Variants in EXT1 observed in about 807,000 individuals in gnomAD.
EXT1 encodes exostosin-1.
In EXT1, 20 loss-of-function variants were observed where a neutral mutation model predicts 82.5. The observed-to-expected ratio is 0.24, with a 90% CI of 0.17 to 0.35. The LOEUF (loss-of-function observed/expected upper bound fraction) is 0.35. Among genes scored for constraint, EXT1 ranks in the 10% least tolerant of loss-of-function variants. The pLI is 1.00. For synonymous variants in EXT1, 348 were observed against 350.8 expected (o/e 0.99, Z 0.09); for missense variants, 757 against 936.5 (o/e 0.81, Z 2.50).
intron 1 of EXT1, among the ~76,000 whole-genome samples, chr8:118,086,291 G>A (rs1249649648): frequency 2.0e-5 from 3 of 152,140 alleles, no homozygotes; most frequent in Non-Finnish European, 4.4e-5. Flanking sequence ...ATGGACTTGG[G>A]AGCCTCTTTA....
intron 1 of EXT1, among the ~76,000 whole-genome samples, chr8:117,991,828 C>T (rs1815441250): frequency 6.6e-6 from 1 of 152,190 alleles, no homozygotes; most frequent in East Asian, 1.9e-4. Flanking sequence ...TCCCAAAGTG[C>T]TGGGATTACT....
chr8:118,094,068 C>T (rs1185850457), intron 1 of EXT1, among the ~76,000 whole-genome samples: 4 of 152,214 alleles, frequency 2.6e-5, no homozygotes, highest in Admixed American at 6.5e-5. Context: ...TTCTCTATCT[C>T]GCACAGGTTT....
At chr8:118,001,454 G>C (rs552638986) in intron 1 of EXT1, among the ~76,000 whole-genome samples, 45 of 151,884 alleles carry the variant, frequency 3.0e-4, no homozygotes, top group African/African-American at 1.0e-3. Flanking sequence ...CAAAGTGCTG[G>C]GATTACAGGC....
chr8:117,923,500 G>A (rs572493477), intron 1 of EXT1, among the ~76,000 whole-genome samples: 80 of 151,736 alleles, frequency 5.3e-4, no homozygotes, highest in Non-Finnish European at 9.6e-4. Flanking sequence ...GGCAGATCAC[G>A]AGGTCAGGAG....
At chr8:118,041,768 G>A (rs977857787) in intron 1 of EXT1, among the ~76,000 whole-genome samples, 8 of 152,054 alleles carry the variant, frequency 5.3e-5, no homozygotes, top group South Asian at 4.2e-4. Flanking sequence ...CCAACATGGC[G>A]AAACCCTGTC....
intron 1 of EXT1, among the ~76,000 whole-genome samples, chr8:117,872,927 T>G (rs1812899548): frequency 6.6e-6 from 1 of 152,060 alleles, no homozygotes; most frequent in Non-Finnish European, 1.5e-5. Flanking sequence ...CTTCAAGGGT[T>G]AGGGAGAAGT....
Position 117,950,225 on chromosome 8 carries a change from A to G in EXT1, c.963-113024T>C, listed in dbSNP as rs186443709. 2.6e-4 allele frequency among the ~76,000 whole-genome samples: 39 copies of G among 152,342 alleles called. No homozygotes were observed. In the East Asian group the frequency reaches 5.8e-3, roughly 23 times the overall value. ...CCCTCGACTATAGCTTGGGTGACAG[A>G]GCAAGATCCCATCACAAACAAAATA... On this transcript the variant is annotated intron_variant, in intron 1 of 10. Transcript: ENST00000378204.
Position 117,837,036 on chromosome 8 carries a change from T to C in EXT1, c.1056+72A>G. 3.0e-6 allele frequency: 3 copies of C among 989,556 alleles called. No homozygotes were observed. The East Asian group carries it at 7.2e-5, about 24-fold the overall frequency. The allele number at this position is 989,556 out of a possible 1,614,324, so 61.3% of individuals were successfully genotyped here. A position where few individuals can be genotyped will look rare whatever the true frequency, so the allele number is the denominator to read the frequency against. ...TTCTCTTTAGCTATCCCAGGAGAGGTGATAATGTTAAACCCACTTAATCTG... is the reference window on the plus strand; with the variant it reads ...TTCTCTTTAGCTATCCCAGGAGAGGCGATAATGTTAAACCCACTTAATCTG... On this transcript the variant is annotated intron_variant, in intron 2 of 10. Transcript: ENST00000378204.
chr8:117,869,640 T>C (rs796158820), intron 1 of EXT1, among the ~76,000 whole-genome samples: 1 of 125,750 alleles, frequency 8.0e-6, no homozygotes, highest in Non-Finnish European at 1.9e-5. Context: ...CTTTATACTA[T>C]CTACATCTTA....
chr8:117,831,891 A>G (rs1354597284), intron 3 of EXT1, among the ~76,000 whole-genome samples: 1 of 152,210 alleles, frequency 6.6e-6, no homozygotes, highest in Non-Finnish European at 1.5e-5. Flanking sequence ...CAAAGTGTAT[A>G]CCTGGATTTG....
intron 1 of EXT1, among the ~76,000 whole-genome samples, chr8:118,100,328 C>T (rs2130020386): frequency 6.6e-6 from 1 of 152,266 alleles, no homozygotes. Context: ...CTTAAGGTAG[C>T]CCAAATGATT....
At chr8:117,989,061 C>CAAAA (rs10649300) in intron 1 of EXT1, among the ~76,000 whole-genome samples, 36 of 105,272 alleles carry the variant, frequency 3.4e-4, no homozygotes, top group East Asian at 8.5e-4. Context: ...CCCCTCCTCT[C>CAAAA]AAAAAAAAAA....
intron 1 of EXT1, among the ~76,000 whole-genome samples, chr8:117,903,552 T>C (rs1423234806): frequency 2.0e-5 from 3 of 152,240 alleles, no homozygotes; most frequent in African/African-American, 4.8e-5. Flanking sequence ...AGATTTATCA[T>C]GGATTCAACT....
chr8:118,051,681 T>TTGGTAAGTTG (rs972890272), intron 1 of EXT1, among the ~76,000 whole-genome samples: 10 of 152,218 alleles, frequency 6.6e-5, no homozygotes, highest in Non-Finnish European at 5.9e-5. Flanking sequence ...CTAATCAATG[T>TTGGTAAGTTG]GTTTTCTCCC....
chr8:118,027,338 CA>C (rs1816220910), intron 1 of EXT1, among the ~76,000 whole-genome samples: 3 of 151,834 alleles, frequency 2.0e-5, no homozygotes, highest in African/African-American at 7.3e-5. Context: ...CACACACACA[CA>C]CACACACACA....
At chr8:117,903,876 T>C (rs2129973132) in intron 1 of EXT1, among the ~76,000 whole-genome samples, 1 of 152,344 alleles carries the variant, frequency 6.6e-6, no homozygotes, top group East Asian at 1.9e-4. Flanking sequence ...GATGTTCTAA[T>C]GGCAGAAGCT....
chr8:118,023,475 C>T (rs1411003541), intron 1 of EXT1, among the ~76,000 whole-genome samples: 1 of 152,200 alleles, frequency 6.6e-6, no homozygotes, highest in Non-Finnish European at 1.5e-5. Flanking sequence ...TGGCTTCACT[C>T]TCTGAGCCAT....
intron 1 of EXT1, among the ~76,000 whole-genome samples, chr8:117,881,915 C>T (rs965267413): frequency 4.6e-5 from 7 of 152,080 alleles, no homozygotes; most frequent in African/African-American, 1.7e-4. Flanking sequence ...GCCAGAGATC[C>T]CCCAGGACTA....
In EXT1 at chr8:118,111,816, C is replaced by A. The variant is rs1010423483; in HGVS notation, c.-770G>T. ...AACGCTGCCGACCGCCGCGTTCGGT[C>A]GCCGAATGTTACCCGGTTCTGAATG... On this transcript the variant is annotated 5_prime_UTR_variant, in exon 1 of 11. Coordinates refer to ENST00000378204, the MANE Select transcript of EXT1 (RefSeq NM_000127.3). 1 of 149,446 alleles carries A rather than the reference C, an allele frequency of 6.7e-6. No homozygotes were observed. Among genetic ancestry groups the A allele is most frequent in the South Asian group, 2.0e-4 (1 of 5,062 alleles). 9.3% of individuals were successfully genotyped at this position (149,446 alleles called of 1,614,324 possible). A position where few individuals can be genotyped will look rare whatever the true frequency, so the allele number is the denominator to read the frequency against.
Sources: gnomAD v4.1 joint callset for allele counts (sites outside exome capture counted in the v4.1 genomes callset) on GRCh38, gnomAD v4.1.1 for gene constraint, MANE v1.5 for transcripts, NCBI Gene and HGNC (gene_info 2026-07-23, HGNC 2026-07-21) for gene names.